DRC5: variants seen among roughly 807,000 people sequenced by gnomAD.
DRC5 encodes the protein dynein regulatory complex subunit 5.
the DRC5 span, among the ~76,000 whole-genome samples, chr6:44,285,715 G>T: frequency 6.6e-6 from 1 of 152,200 alleles, no homozygotes; most frequent in Non-Finnish European, 1.5e-5. Context: ...TGAATCTTCA[G>T]CACCTAGGAC....
At chr6:44,293,175 C>G in the DRC5 span, among the ~76,000 whole-genome samples, 1 of 152,140 alleles carries the variant, frequency 6.6e-6, no homozygotes, top group Non-Finnish European at 1.5e-5. Flanking sequence ...TGGCCTCTTC[C>G]TCTCTTGACT....
chr6:44,288,351 C>A, the DRC5 span, among the ~76,000 whole-genome samples: 1 of 152,088 alleles, frequency 6.6e-6, no homozygotes, highest in Non-Finnish European at 1.5e-5. Context: ...GTATTATTCC[C>A]ATTTTTCTGC....
chr6:44,289,636 T>A, the DRC5 span, among the ~76,000 whole-genome samples: 306 of 152,172 alleles, frequency 2.0e-3, 2 homozygotes, highest in African/African-American at 6.9e-3. Context: ...CATCTCCCCA[T>A]CCAGTCTTCC....
the DRC5 span, chr6:44,285,915 C>A: frequency 6.6e-7 from 1 of 1,505,338 alleles, no homozygotes; most frequent in Non-Finnish European, 9.1e-7. Context: ...GAGAGGGAAT[C>A]TGAGAGATGC....
At chr6:44,289,042 CTTTTTTTT>C in the DRC5 span, among the ~76,000 whole-genome samples, 1 of 78,944 alleles carries the variant, frequency 1.3e-5, no homozygotes, top group Non-Finnish European at 2.2e-5. Context: ...GTGAAATTAG[CTTTTTTTT>C]TTTTTTTTTT....
the DRC5 span, among the ~76,000 whole-genome samples, chr6:44,282,933 G>C: frequency 3.2e-4 from 48 of 150,288 alleles, no homozygotes; most frequent in African/African-American, 1.2e-3. Flanking sequence ...CTCCTGAGTA[G>C]CTGAGACTAC....
the DRC5 span, chr6:44,282,148 G>A: frequency 6.2e-7 from 1 of 1,614,206 alleles, no homozygotes; most frequent in Non-Finnish European, 8.5e-7. Flanking sequence ...ATGCTGGTGA[G>A]TGTGGTGTTG....
the DRC5 span, chr6:44,282,045 C>G: frequency 2.7e-6 from 4 of 1,465,432 alleles, no homozygotes; most frequent in African/African-American, 4.2e-5. Flanking sequence ...TCACAATTAT[C>G]CCACAAGTAC....
At chr6:44,291,955 C>G in the DRC5 span, among the ~76,000 whole-genome samples, 105 of 152,112 alleles carry the variant, frequency 6.9e-4, no homozygotes, top group Admixed American at 1.7e-3. Flanking sequence ...GTCTCCCACC[C>G]AGGCAGCCTC....
chr6:44,294,431 AC>A, the DRC5 span, among the ~76,000 whole-genome samples: 2 of 152,176 alleles, frequency 1.3e-5, no homozygotes, highest in Non-Finnish European at 2.9e-5. Flanking sequence ...AGTTTCAGAT[AC>A]AAAAAGCAAA....
the DRC5 span, among the ~76,000 whole-genome samples, chr6:44,295,649 T>C: frequency 2.0e-5 from 3 of 152,208 alleles, no homozygotes; most frequent in Non-Finnish European, 4.4e-5. Flanking sequence ...CTGGGAACCA[T>C]ACCCTTGGCT....
chr6:44,287,503 C>T, the DRC5 span: 5 of 1,558,636 alleles, frequency 3.2e-6, no homozygotes, highest in Non-Finnish European at 4.4e-6. Flanking sequence ...CCACCTAGCC[C>T]CCCTCTTGGC....
At chr6:44,293,584 T>C in the DRC5 span, among the ~76,000 whole-genome samples, 10 of 152,196 alleles carry the variant, frequency 6.6e-5, no homozygotes, top group Non-Finnish European at 2.9e-5. Flanking sequence ...CTATGAGAGC[T>C]GGGGCCAGCG....
At chr6:44,282,543 C>T in the DRC5 span, 5 of 1,590,740 alleles carry the variant, frequency 3.1e-6, no homozygotes, top group Middle Eastern at 1.7e-4. Context: ...CACCTTGCTT[C>T]GGGTCAGCTT....
chr6:44,282,421 T>C, the DRC5 span: 16 of 1,613,930 alleles, frequency 9.9e-6, no homozygotes, highest in Non-Finnish European at 1.2e-5. Flanking sequence ...CTCAGCAGCT[T>C]GGCAGCACCT....
chr6:44,284,241 T>A, the DRC5 span, among the ~76,000 whole-genome samples: 1 of 151,970 alleles, frequency 6.6e-6, no homozygotes, highest in African/African-American at 2.4e-5. Flanking sequence ...AGTCCTCAGC[T>A]CTATTCCACC....
At chr6:44,293,583 C>A in the DRC5 span, among the ~76,000 whole-genome samples, 1 of 152,204 alleles carries the variant, frequency 6.6e-6, no homozygotes, top group Non-Finnish European at 1.5e-5. Context: ...CCTATGAGAG[C>A]TGGGGCCAGC....
chr6:44,286,727 C>T, the DRC5 span, among the ~76,000 whole-genome samples: 1 of 152,136 alleles, frequency 6.6e-6, no homozygotes, highest in Admixed American at 6.5e-5. Context: ...ATGTTCCCTG[C>T]CTGAAGGTGG....
chr6:44,287,958 G>T, the DRC5 span: 2 of 1,149,364 alleles, frequency 1.7e-6, no homozygotes, highest in Non-Finnish European at 1.2e-6. Flanking sequence ...TACTTTGGTG[G>T]GTCTTGGTGG....
Sources: allele counts gnomAD v4.1 joint callset (sites outside exome capture counted in the v4.1 genomes callset), GRCh38; gene constraint gnomAD v4.1.1; transcripts MANE v1.5; gene names NCBI Gene and HGNC (gene_info 2026-07-23, HGNC 2026-07-21).